Variants in NMNAT2 observed in about 807,000 individuals in gnomAD.
The protein encoded by NMNAT2 is nicotinamide nucleotide adenylyltransferase 2.
In NMNAT2, 11 loss-of-function variants were observed where a neutral mutation model predicts 41.6. The ratio of observed to expected loss-of-function variants is 0.26; its 90% CI spans 0.17 to 0.44. The LOEUF (loss-of-function observed/expected upper bound fraction) is 0.44. Ranked by LOEUF, NMNAT2 falls within the 20% of genes least tolerant of loss-of-function variation. The pLI, the probability that NMNAT2 is intolerant of heterozygous loss-of-function variation, is 1.00. For missense variants in NMNAT2, 288 were observed against 407.7 expected (o/e 0.71, Z 2.53); for synonymous variants, 148 against 151.2 (o/e 0.98, Z 0.16).
At chr1:183,400,676 A>G (rs1648783113) in intron 1 of NMNAT2, among the ~76,000 whole-genome samples, 1 of 152,218 alleles carries the variant, frequency 6.6e-6, no homozygotes, top group Non-Finnish European at 1.5e-5. Flanking sequence ...CTACAAGGCT[A>G]CAGTAACCGA....
At chr1:183,324,038 C>T (rs1488387757) in intron 1 of NMNAT2, among the ~76,000 whole-genome samples, 2 of 152,138 alleles carry the variant, frequency 1.3e-5, no homozygotes, top group African/African-American at 2.4e-5. Flanking sequence ...GGCAAGGGGA[C>T]CCAGTGGTGA....
At chr1:183,402,044 A>C (rs180940048) in intron 1 of NMNAT2, among the ~76,000 whole-genome samples, 1,571 of 152,074 alleles carry the variant, frequency 0.01, 30 homozygotes, top group African/African-American at 0.036. Flanking sequence ...CGTTGTGCAC[A>C]TGTACCCTAG....
In NMNAT2 at chr1:183,387,807, T is replaced by C. The variant is rs566853306; in HGVS notation, c.85+30376A>G. Among the ~76,000 whole-genome samples the C allele has an allele frequency of 1.2e-4, 19 of 152,250 alleles. No homozygotes were observed. In the South Asian group the frequency reaches 2.1e-3, roughly 17 times the overall value. ...TTCATATGTCTCACGTAGAGGTAAA[T>C]CTCTTTTTTGTAATCCCAAATCTGA... On this transcript the variant is annotated intron_variant, in intron 1 of 10. Coordinates refer to ENST00000287713, the MANE Select transcript of NMNAT2 (RefSeq NM_015039.4).
At chr1:183,255,994 C>T (rs1442497361) in intron 10 of NMNAT2, among the ~76,000 whole-genome samples, 1 of 152,054 alleles carries the variant, frequency 6.6e-6, no homozygotes, top group Admixed American at 6.6e-5. Flanking sequence ...ACTTTCAGTA[C>T]TTTGCTGAAT....
chr1:183,322,264 G>A (rs568186891), intron 1 of NMNAT2, among the ~76,000 whole-genome samples: 9 of 152,306 alleles, frequency 5.9e-5, no homozygotes, highest in African/African-American at 2.2e-4. Flanking sequence ...GGATTCACAA[G>A]GGTTGCAAAT....
At position 183,248,378 on chromosome 1, in the gene NMNAT2, T is replaced by A. The variant is rs202109556; in HGVS notation, c.*4263A>T. On this transcript the variant is annotated 3_prime_UTR_variant, in exon 11 of 11. Coordinates refer to ENST00000287713, the MANE Select transcript of NMNAT2 (RefSeq NM_015039.4). ...CAACTTGAATATCATTTTTTATTAA[T>A]GAATTGATTTCCATAAAGCAAATCT... The A allele has an allele frequency of 4.6e-5, 7 of 152,796 alleles. No individual in the cohort carries two copies. The East Asian group carries it at 1.3e-3, about 29-fold the overall frequency. The allele number at this position is 152,796 out of a possible 1,614,324, so 9.5% of individuals were successfully genotyped here. A position where few individuals can be genotyped will look rare whatever the true frequency, so the allele number is the denominator to read the frequency against.
chr1:183,309,125 G>C (rs978407159), intron 1 of NMNAT2, among the ~76,000 whole-genome samples: 1 of 152,152 alleles, frequency 6.6e-6, no homozygotes, highest in South Asian at 2.1e-4. Context: ...TCAGCCTCCC[G>C]AGTAGCAGGG....
chr1:183,344,439 T>C (rs1233534190), intron 1 of NMNAT2, among the ~76,000 whole-genome samples: 1 of 152,186 alleles, frequency 6.6e-6, no homozygotes, highest in Admixed American at 6.5e-5. Context: ...AGCACATGCC[T>C]GATATCCATA....
intron 1 of NMNAT2, among the ~76,000 whole-genome samples, chr1:183,389,948 C>T (rs942380673): frequency 1.3e-5 from 2 of 150,328 alleles, no homozygotes; most frequent in African/African-American, 4.9e-5. Context: ...CTCTCTTTGT[C>T]CTTAAAGTAA....
chr1:183,413,500 G>C (rs1213923313), intron 1 of NMNAT2, among the ~76,000 whole-genome samples: 1 of 152,036 alleles, frequency 6.6e-6, no homozygotes, highest in Non-Finnish European at 1.5e-5. Flanking sequence ...GGGGTACTTG[G>C]AAAATGATTA....
intron 1 of NMNAT2, among the ~76,000 whole-genome samples, chr1:183,401,723 T>C (rs1325409449): frequency 6.6e-6 from 1 of 152,140 alleles, no homozygotes; most frequent in African/African-American, 2.4e-5. Flanking sequence ...CACCATGGAA[T>C]ACTATGCAGC....
intron 10 of NMNAT2, among the ~76,000 whole-genome samples, chr1:183,255,810 C>T (rs971915711): frequency 6.6e-6 from 1 of 151,716 alleles, no homozygotes; most frequent in Non-Finnish European, 1.5e-5. Flanking sequence ...ATTACAGGCA[C>T]AAGCCACAAT....
intron 1 of NMNAT2, among the ~76,000 whole-genome samples, chr1:183,298,035 G>T (rs1661749226): frequency 6.6e-6 from 1 of 152,042 alleles, no homozygotes; most frequent in African/African-American, 2.4e-5. Flanking sequence ...AGTATAATAG[G>T]AATAGAAAGA....
intron 1 of NMNAT2, among the ~76,000 whole-genome samples, chr1:183,296,767 G>T (rs1661711907): frequency 6.6e-6 from 1 of 152,072 alleles, no homozygotes; most frequent in African/African-American, 2.4e-5. Flanking sequence ...GACCACCTCA[G>T]CCTCCCAAAG....
chr1:183,393,578 C>T (rs553236440), intron 1 of NMNAT2, among the ~76,000 whole-genome samples: 13 of 152,166 alleles, frequency 8.5e-5, no homozygotes, highest in African/African-American at 1.7e-4. Flanking sequence ...TATTTAGAGA[C>T]GGAATCTTAC....
At chr1:183,307,515 T>C (rs1466384051) in intron 1 of NMNAT2, among the ~76,000 whole-genome samples, 2 of 152,068 alleles carry the variant, frequency 1.3e-5, no homozygotes, top group Non-Finnish European at 2.9e-5. Flanking sequence ...TGATCTTGGC[T>C]CACTGCAACC....
chr1:183,374,999 G>A (rs1322916223), intron 1 of NMNAT2, among the ~76,000 whole-genome samples: 1 of 152,164 alleles, frequency 6.6e-6, no homozygotes, highest in Non-Finnish European at 1.5e-5. Flanking sequence ...ATCCCTAAAT[G>A]TTTCAAAAGA....
intron 3 of NMNAT2, among the ~76,000 whole-genome samples, chr1:183,291,122 G>A (rs1661529269): frequency 6.6e-6 from 1 of 152,112 alleles, no homozygotes; most frequent in Non-Finnish European, 1.5e-5. Flanking sequence ...TCACCACATT[G>A]TCCAGGCTGG....
chr1:183,362,392 C>T (rs1663324561), intron 1 of NMNAT2, among the ~76,000 whole-genome samples: 1 of 152,156 alleles, frequency 6.6e-6, no homozygotes, highest in Non-Finnish European at 1.5e-5. Flanking sequence ...AAAAAGAAAC[C>T]CAATATCCCT....
Sources: allele counts gnomAD v4.1 joint callset (sites outside exome capture counted in the v4.1 genomes callset), GRCh38; gene constraint gnomAD v4.1.1; transcripts MANE v1.5; gene names NCBI Gene and HGNC (gene_info 2026-07-23, HGNC 2026-07-21).